Variants in ATAD3B observed in about 807,000 individuals in gnomAD.
The protein encoded by ATAD3B is ATPase family AAA domain-containing protein 3B.
A neutral mutation model predicts 70.2 loss-of-function variants in ATAD3B; 59 were observed. That is an observed-to-expected ratio of 0.84 (90% CI 0.68 to 1.04). The LOEUF (loss-of-function observed/expected upper bound fraction) is 1.04, where lower values mean the gene tolerates loss of function less well. Ranked by LOEUF, ATAD3B falls within the 50% of genes least tolerant of loss-of-function variation. The probability of loss-of-function intolerance (pLI) is 0.00; values close to 1 mark genes in which losing one functional copy is unlikely to be tolerated. For missense variants in ATAD3B, 961 were observed against 913.4 expected, an observed-to-expected ratio of 1.05 and a Z score of -0.67; for synonymous variants, 423 against 388.6, an observed-to-expected ratio of 1.09 and a Z score of -1.04.
Position 1,483,082 on chromosome 1 carries a change from C to T in ATAD3B, c.750+468C>T. The T allele has an allele frequency of 4.4e-6, 2 of 453,886 alleles. 1 individual carries two copies. The highest frequency in any genetic ancestry group is 8.8e-6 in the Non-Finnish European group (2 of 226,470). 28.1% of individuals were successfully genotyped at this position (453,886 alleles called of 1,614,324 possible). ...GGCGGAGGTGGGCGGATCACGAGGT[C>T]CGGAGATCGAGATCATCCTGGTAAG... On this transcript the variant is annotated intron_variant, in intron 7 of 15. Transcript: ENST00000673477.
intron 13 of ATAD3B, chr1:1,489,634 C>T (rs903365398): frequency 7.5e-7 from 1 of 1,339,310 alleles, no homozygotes; most frequent in Non-Finnish European, 9.9e-7. Flanking sequence ...GTCCAGGCTC[C>T]CTCTTCCCTC....
chr1:1,490,401 T>G lies in ATAD3B; in HGVS notation c.1482T>G (p.Leu494=). ...LVRLHFDNCV[L]KPATEGKRRL... ...GACTGCATTTTGACAACTGTGTTCT[T>G]AAGCCGGCCACAGAAGGAAAACGGT... Residue 494 remains leucine, a synonymous_variant, in exon 14 of 16, where the codon CTT becomes CTG. Coordinates refer to ENST00000673477, the MANE Select transcript of ATAD3B (RefSeq NM_031921.6). 1 of 1,613,478 alleles carries G rather than the reference T, an allele frequency of 6.2e-7. No homozygotes were observed. The highest frequency in any genetic ancestry group is 1.7e-5 in the Admixed American group (1 of 59,990).
Position 1,489,268 on chromosome 1 carries a change from GCAA to G in ATAD3B, c.1335_1337del (p.Asn445del). On this transcript the variant is annotated inframe_deletion, in exon 13 of 16. Transcript: ENST00000673477. ...TTCCTGTACCACATGGGCCAACACA[GCAA>G]CAAGTGAGGGAGCCCCTCGGGTCCT... 6.2e-7 allele frequency: 1 copy of G among 1,613,542 alleles called. No homozygotes were observed. The highest frequency in any genetic ancestry group is 2.2e-5 in the East Asian group (1 of 44,882).
At chr1:1,507,934 G>A in the ATAD3B span, among the ~76,000 whole-genome samples, 2 of 152,214 alleles carry the variant, frequency 1.3e-5, no homozygotes, top group Admixed American at 6.5e-5. Flanking sequence ...CCCCACCCGC[G>A]ACTGGGTCTT....
rs183485928 is a variant in ATAD3B, at chr1:1,477,202, G to A, written c.206-72G>A. 7.1e-4 allele frequency: 1,123 copies of A among 1,578,428 alleles called. 17 individuals are homozygous for A. In the African/African-American group the frequency reaches 0.013, roughly 18 times the overall value. On this transcript the variant is annotated intron_variant, in intron 1 of 15. Coordinates refer to ENST00000673477, the MANE Select transcript of ATAD3B (RefSeq NM_031921.6). ...TTTTTGTATTTTTAGTAGAGGTTGG[G>A]TTTCACCATGTTGGCCAGGCTTTGG...
the ATAD3B span, among the ~76,000 whole-genome samples, chr1:1,507,319 G>T: frequency 6.6e-6 from 1 of 152,132 alleles, no homozygotes; most frequent in Admixed American, 6.5e-5. Context: ...GTGATATATG[G>T]CCTTCATTAT....
chr1:1,507,433 T>G, the ATAD3B span, among the ~76,000 whole-genome samples: 1 of 152,234 alleles, frequency 6.6e-6, no homozygotes, highest in Non-Finnish European at 1.5e-5. Flanking sequence ...GAGGGTCATG[T>G]GGTTTCCTTC....
chr1:1,504,468 T>TG, the ATAD3B span, among the ~76,000 whole-genome samples: 1 of 151,902 alleles, frequency 6.6e-6, no homozygotes, highest in African/African-American at 2.4e-5. Context: ...TGACCCAACA[T>TG]GGAGAAACCC....
At chr1:1,506,787 CTTTT>C in the ATAD3B span, among the ~76,000 whole-genome samples, 2 of 120,052 alleles carry the variant, frequency 1.7e-5, no homozygotes, top group Admixed American at 8.3e-5. Flanking sequence ...TTTCTTTTTT[CTTTT>C]TTTTTTTTTT....
intron 1 of ATAD3B, among the ~76,000 whole-genome samples, chr1:1,475,745 C>G (rs1477825548): frequency 6.6e-6 from 1 of 151,886 alleles, no homozygotes; most frequent in East Asian, 1.9e-4. Context: ...ACGTCCCTGG[C>G]ACAGGGTCAC....
rs551663276 is a variant in ATAD3B, at chr1:1,473,101, G to C, written c.205+1012G>C. On this transcript the variant is annotated intron_variant, in intron 1 of 15. Transcript: ENST00000673477. ...TCCTCCTGAAGTGTTGGGATTACAGGCCTGAGCCACAGCGCCCAGACAGAA... is the reference window on the plus strand; with the variant it reads ...TCCTCCTGAAGTGTTGGGATTACAGCCCTGAGCCACAGCGCCCAGACAGAA... Among the ~76,000 whole-genome samples the C allele has an allele frequency of 4.1e-5, 6 of 147,184 alleles. 1 individual carries two copies. The highest frequency in any genetic ancestry group is 2.0e-4 in the Admixed American group (3 of 14,652).
At position 1,482,197 on chromosome 1, in the gene ATAD3B, G is replaced by A. The variant is rs765426963; in HGVS notation, c.574G>A (p.Glu192Lys). 7.9e-5 allele frequency: 128 copies of A among 1,611,092 alleles called. No individual in the cohort carries two copies. The highest frequency in any genetic ancestry group is 1.7e-4 in the African/African-American group (13 of 74,954). ...GAATGAGATGCTGCGAGTGGAGACCGAGGCCCGGGCGCGCGCCAAGGCCGA... is the reference window on the plus strand; with the variant it reads ...GAATGAGATGCTGCGAGTGGAGACCAAGGCCCGGGCGCGCGCCAAGGCCGA... ...HKNEMLRVET[E>K]ARARAKAERE... Residue 192 changes from glutamate (E) to lysine (K), a missense_variant, in exon 6 of 16, where the codon GAG (glutamate) becomes AAG (lysine). Around this residue, in one of 4 missense-constraint regions of ATAD3B, gnomAD observed 349 missense variants for 307.5 expected, o/e 1.14. Transcript: ENST00000673477.
At chr1:1,490,037 C>T in intron 13 of ATAD3B, 3 of 1,394,240 alleles carry the variant, frequency 2.2e-6, no homozygotes, top group Non-Finnish European at 2.8e-6. Context: ...AGGGCAAGAA[C>T]AGAGGCCCGA....
At chr1:1,476,607 C>T (rs1639602183) in intron 1 of ATAD3B, among the ~76,000 whole-genome samples, 1 of 151,672 alleles carries the variant, frequency 6.6e-6, no homozygotes, top group African/African-American at 2.4e-5. Context: ...CTCCCAGGTT[C>T]ACGCCATTCT....
At chr1:1,480,095 C>A (rs1202483321) in intron 4 of ATAD3B, among the ~76,000 whole-genome samples, 1 of 145,464 alleles carries the variant, frequency 6.9e-6, no homozygotes, top group Non-Finnish European at 1.5e-5. Flanking sequence ...ACGCGCACAC[C>A]GCCGCAAACA....
chr1:1,471,825 G>A lies in ATAD3B; in HGVS notation c.-60G>A, dbSNP rs1639339330. 6.4e-6 allele frequency: 8 copies of A among 1,241,786 alleles called. No individual in the cohort carries two copies. The highest frequency in any genetic ancestry group is 4.1e-5 in the Admixed American group (1 of 24,408). The allele number at this position is 1,241,786 out of a possible 1,614,324, so 76.9% of individuals were successfully genotyped here. On this transcript the variant is annotated 5_prime_UTR_variant, in exon 1 of 16. Transcript: ENST00000673477. ...CGGCGCGTGGAGGCTGCTCCCAGCC[G>A]CGCCCGAGTCAGACTCGGGTGGGGG... is the stretch of plus-strand genomic sequence containing the variant.
At chr1:1,483,862 C>G in intron 7 of ATAD3B, 1 of 152,200 alleles carries the variant, frequency 6.6e-6, no homozygotes, top group African/African-American at 2.4e-5. Flanking sequence ...ACCGTCTCAC[C>G]AACATGGCAA....
Position 1,490,053 on chromosome 1 carries a change from C to T in ATAD3B, c.1338-204C>T, listed in dbSNP as rs564360978. The T allele has an allele frequency of 1.3e-4, 182 of 1,407,668 alleles. 2 individuals are homozygous for T. Among genetic ancestry groups the T allele is most frequent in the Non-Finnish European group, 1.5e-4 (158 of 1,082,704 alleles). 87.2% of individuals were successfully genotyped at this position (1,407,668 alleles called of 1,614,324 possible). ...GGGCAAGAACAGAGGCCCGAGAAGC[C>T]GGGCGGGGGGCAGCTGGGCGTGGTG... On this transcript the variant is annotated intron_variant, in intron 13 of 15. Coordinates refer to ENST00000673477, the MANE Select transcript of ATAD3B (RefSeq NM_031921.6).
chr1:1,489,070 G>C, intron 12 of ATAD3B, 134 bp from the exon 13 acceptor site: 2 of 1,486,922 alleles, frequency 1.3e-6, no homozygotes, highest in Non-Finnish European at 9.1e-7. Flanking sequence ...CCCTGGTCAG[G>C]ATTTTGAGTT....
Sources: gnomAD v4.1 joint callset for allele counts (sites outside exome capture counted in the v4.1 genomes callset) on GRCh38, gnomAD v4.1.1 for gene constraint, gnomAD v4.1.1 regional missense constraint, MANE v1.5 for transcripts, NCBI Gene and HGNC (gene_info 2026-07-23, HGNC 2026-07-21) for gene names.